The following SEL1L variants were observed in gnomAD, a reference collection of about 807,000 sequenced individuals.
SEL1L encodes the protein SEL1L adaptor subunit of SYVN1 ubiquitin ligase.
Under a neutral mutation model 109.8 loss-of-function variants are expected in SEL1L, and 52 were observed. The observed-to-expected ratio is 0.47, with a 90% CI of 0.38 to 0.60. SEL1L has a LOEUF of 0.60. Ranked by LOEUF, SEL1L falls within the 20% of genes least tolerant of loss-of-function variation. The pLI, the probability that SEL1L is intolerant of heterozygous loss-of-function variation, is 0.00. For missense variants in SEL1L, 749 were observed against 962.2 expected (o/e 0.78, Z 2.93); for synonymous variants, 373 against 339.6 (o/e 1.10, Z -1.08).
At chr14:81,519,586 G>T (rs1884832057) in intron 3 of SEL1L, among the ~76,000 whole-genome samples, 1 of 152,234 alleles carries the variant, frequency 6.6e-6, no homozygotes, top group African/African-American at 2.4e-5. Context: ...TTTACTTTGA[G>T]TAGGACCGGA....
intron 3 of SEL1L, among the ~76,000 whole-genome samples, chr14:81,520,521 G>C (rs17640910): frequency 0.021 from 3,178 of 152,296 alleles, 61 homozygotes; most frequent in Non-Finnish European, 0.034. Context: ...CAGCACCAGT[G>C]AAAGGAGATA....
At position 81,487,896 on chromosome 14, in the gene SEL1L, C is replaced by T; in HGVS notation, c.1442G>A (p.Gly481Asp). 6.2e-7 allele frequency: 1 copy of T among 1,613,922 alleles called. No homozygotes were observed. Among genetic ancestry groups the T allele is most frequent in the Non-Finnish European group, 8.5e-7 (1 of 1,179,944 alleles). Reference protein sequence around the residue: ...LKYFQKAAEQGWVDGQLQLGS... With the variant: ...LKYFQKAAEQDWVDGQLQLGS... ...AAGCTGTAGCTGCCCATCCACCCAG[C>T]CTTGTTCAGCAGCTTTCTGGAAATA... is the stretch of plus-strand genomic sequence containing the variant. Residue 481 changes from glycine (G) to aspartate (D), a missense_variant, in exon 15 of 21, where the codon GGC (glycine) becomes GAC (aspartate). Coordinates refer to ENST00000336735, the MANE Select transcript of SEL1L (RefSeq NM_005065.6).
intron 3 of SEL1L, among the ~76,000 whole-genome samples, chr14:81,507,422 T>C (rs1252437650): frequency 2.0e-5 from 3 of 151,758 alleles, no homozygotes; most frequent in Non-Finnish European, 4.4e-5. Flanking sequence ...TTTCTAGATG[T>C]GTGGATAAGA....
chr14:81,529,798 AC>A (rs1432320847), intron 1 of SEL1L, among the ~76,000 whole-genome samples: 1 of 152,210 alleles, frequency 6.6e-6, no homozygotes, highest in African/African-American at 2.4e-5. Context: ...ACTGATATAA[AC>A]ATTCACACAA....
At chr14:81,518,190 G>A (rs988960600) in intron 3 of SEL1L, among the ~76,000 whole-genome samples, 10 of 151,726 alleles carry the variant, frequency 6.6e-5, no homozygotes, top group African/African-American at 2.2e-4. Context: ...ACTGCGCCCG[G>A]CTTGGGACGG....
chr14:81,530,509 C>T (rs1253792161), intron 1 of SEL1L, among the ~76,000 whole-genome samples: 1 of 152,082 alleles, frequency 6.6e-6, no homozygotes, highest in East Asian at 1.9e-4. Flanking sequence ...TAATTATTAC[C>T]TGAAATACCT....
Position 81,499,517 on chromosome 14 carries a change from G to C in SEL1L, c.833C>G (p.Ala278Gly). The C allele has an allele frequency of 6.2e-7, 1 of 1,611,290 alleles. No individual in the cohort carries two copies. Among genetic ancestry groups the C allele is most frequent in the Non-Finnish European group, 8.5e-7 (1 of 1,179,230 alleles). Residue 278 changes from alanine (A) to glycine (G), a missense_variant and splice_region_variant, in exon 8 of 21, where the codon GCT (alanine) becomes GGT (glycine). Ala to Gly is a moderately conservative substitution (Grantham distance 60, BLOSUM62 0). Around this residue, in one of 2 missense-constraint regions of SEL1L, gnomAD observed 366 missense variants for 399.8 expected, o/e 0.92. Transcript: ENST00000336735. ...GLGVNSSQAK[A>G]LVYYTFGALG... ...AGCTCCAAATGTATAATATACAAGA[G>C]CCTGTGAAAGAACAAAACATGTTTA...
At chr14:81,483,754 C>T (rs1903431699) in intron 19 of SEL1L, among the ~76,000 whole-genome samples, 1 of 151,996 alleles carries the variant, frequency 6.6e-6, no homozygotes, top group Non-Finnish European at 1.5e-5. Context: ...TAAAAATGTA[C>T]AAGGGGGTCT....
intron 6 of SEL1L, among the ~76,000 whole-genome samples, chr14:81,501,094 T>G (rs1212255425): frequency 6.6e-6 from 1 of 152,146 alleles, no homozygotes; most frequent in Non-Finnish European, 1.5e-5. Flanking sequence ...ATCCTGAGGC[T>G]CTCTTTTCTC....
intron 4 of SEL1L, 116 bp downstream of exon 4, chr14:81,505,958 C>T: frequency 2.0e-6 from 2 of 1,002,440 alleles, no homozygotes; most frequent in Non-Finnish European, 2.9e-6. Context: ...GTAATGACAT[C>T]AGCAATGCTG....
At chr14:81,519,278 T>TTC (rs2140049151) in intron 3 of SEL1L, among the ~76,000 whole-genome samples, 1 of 152,360 alleles carries the variant, frequency 6.6e-6, no homozygotes, top group Non-Finnish European at 1.5e-5. Flanking sequence ...TTCCATACTT[T>TTC]TCCTTTGCTG....
chr14:81,497,728 T>C (rs1490989242), intron 10 of SEL1L, among the ~76,000 whole-genome samples, 164 bp downstream of exon 10: 1 of 151,294 alleles, frequency 6.6e-6, no homozygotes, highest in Admixed American at 6.6e-5. Context: ...AGTGTGAGAC[T>C]CTTGGTTTTT....
chr14:81,472,474 A>G lies in SEL1L; in HGVS notation c.*4498T>C, dbSNP rs1903039882. On this transcript the variant is annotated 3_prime_UTR_variant, in exon 21 of 21. Transcript: ENST00000336735. Reference sequence around the variant, plus strand: ...CCACTTCCAATTGCACTTTGTGTACATGTTCACTCTTGATTTAATATTTTT... The same window carrying G: ...CCACTTCCAATTGCACTTTGTGTACGTGTTCACTCTTGATTTAATATTTTT... The G allele has an allele frequency of 3.7e-6, 1 of 273,014 alleles. No homozygotes were observed. 16.9% of individuals were successfully genotyped at this position (273,014 alleles called of 1,614,324 possible). A position where few individuals can be genotyped will look rare whatever the true frequency, so the allele number is the denominator to read the frequency against.
In SEL1L at chr14:81,510,271, G is replaced by T. The variant is rs531420612; in HGVS notation, c.341-4030C>A. On this transcript the variant is annotated intron_variant, in intron 3 of 20. Transcript: ENST00000336735. Reference sequence around the variant, plus strand: ...TTGCTGGAGCTGGATTACAGAACAGGAAGAGAGAAAGGGAAATCAGTGATT... The same window carrying T: ...TTGCTGGAGCTGGATTACAGAACAGTAAGAGAGAAAGGGAAATCAGTGATT... 5.9e-5 allele frequency among the ~76,000 whole-genome samples: 9 copies of T among 152,286 alleles called. No homozygotes were observed. The East Asian group carries it at 1.7e-3, about 29-fold the overall frequency.
Position 81,481,120 on chromosome 14 carries a change from T to C in SEL1L, c.2047-1380A>G, listed in dbSNP as rs1436869230. ...GCATCTTGTGTTTCCCTGTGTTAGATATATTTCTGTAAAGGGTGAAACCAG... is the reference window on the plus strand; with the variant it reads ...GCATCTTGTGTTTCCCTGTGTTAGACATATTTCTGTAAAGGGTGAAACCAG... On this transcript the variant is annotated intron_variant, in intron 19 of 20. Coordinates refer to ENST00000336735, the MANE Select transcript of SEL1L (RefSeq NM_005065.6). 3.9e-5 allele frequency among the ~76,000 whole-genome samples: 6 copies of C among 152,324 alleles called. No individual in the cohort carries two copies. In the South Asian group the frequency reaches 6.2e-4, roughly 16 times the overall value.
At chr14:81,522,966 A>G (rs1226953306) in intron 3 of SEL1L, among the ~76,000 whole-genome samples, 3 of 152,190 alleles carry the variant, frequency 2.0e-5, no homozygotes, top group Non-Finnish European at 4.4e-5. Flanking sequence ...GGTTGAATCC[A>G]TGGATACAGA....
Position 81,504,192 on chromosome 14 carries a change from G to A in SEL1L, c.614+9C>T, listed in dbSNP as rs1207633023. The A allele has an allele frequency of 1.9e-6, 3 of 1,552,498 alleles. No individual in the cohort carries two copies. Among genetic ancestry groups the A allele is most frequent in the Non-Finnish European group, 2.6e-6 (3 of 1,139,180 alleles). The stretch of plus-strand genomic sequence containing the variant: ...ATGGGGGAAAAGTGGACTTAGCAGT[G>A]CTACCTACTCTCTTTTTTGGCTTTT... On this transcript the variant is annotated intron_variant, in intron 5 of 20. Coordinates refer to ENST00000336735, the MANE Select transcript of SEL1L (RefSeq NM_005065.6).
intron 2 of SEL1L, among the ~76,000 whole-genome samples, 174 bp downstream of exon 2, chr14:81,527,527 A>AT (rs1885160835): frequency 6.6e-6 from 1 of 151,826 alleles, no homozygotes; most frequent in Admixed American, 6.6e-5. Flanking sequence ...TAGGTCAGTA[A>AT]TTTTTTCTTC....
intron 19 of SEL1L, among the ~76,000 whole-genome samples, chr14:81,482,441 G>A (rs777357801): frequency 1.6e-3 from 239 of 152,246 alleles, no homozygotes; most frequent in Middle Eastern, 3.4e-3. Context: ...CACTTTTGGA[G>A]GCCAAGGCGC....
Sources: allele counts gnomAD v4.1 joint callset (sites outside exome capture counted in the v4.1 genomes callset), GRCh38; gene constraint gnomAD v4.1.1; regional missense constraint gnomAD v4.1.1; transcripts MANE v1.5; gene names NCBI Gene and HGNC (gene_info 2026-07-23, HGNC 2026-07-21).